The following CTNND2 variants were observed in gnomAD, a reference collection of about 807,000 sequenced individuals.
The protein encoded by CTNND2 is catenin delta 2.
Under a neutral mutation model 144.4 loss-of-function variants are expected in CTNND2, and 22 were observed. The observed-to-expected ratio is 0.15, with a 90% CI of 0.11 to 0.22. CTNND2 has a LOEUF of 0.22. CTNND2 is among the 10% of genes least tolerant of loss of function. The pLI is 1.00. For synonymous variants in CTNND2, 751 were observed against 695.6 expected (o/e 1.08, Z -1.25); for missense variants, 1,353 against 1,618.8 (o/e 0.84, Z 2.82).
At chr5:11,391,185 C>T (rs959360481) in intron 6 of CTNND2, among the ~76,000 whole-genome samples, 4 of 104,066 alleles carry the variant, frequency 3.8e-5, no homozygotes, top group East Asian at 4.7e-4. Context: ...TAATAAAAAA[C>T]AGGGCATGGC....
intron 3 of CTNND2, among the ~76,000 whole-genome samples, chr5:11,443,312 T>A (rs1329476799): frequency 9.4e-6 from 1 of 106,480 alleles, no homozygotes; most frequent in African/African-American, 3.9e-5. Context: ...ATGTGTGTGG[T>A]GTGTGTGCAT....
At chr5:11,421,651 C>T (rs73742836) in intron 3 of CTNND2, among the ~76,000 whole-genome samples, 5,219 of 152,224 alleles carry the variant, frequency 0.034, 318 homozygotes, top group African/African-American at 0.12. Context: ...CCAGGCATGG[C>T]GGTGTCTGCA....
At chr5:11,751,016 G>A (rs1025844824) in intron 1 of CTNND2, among the ~76,000 whole-genome samples, 6 of 151,752 alleles carry the variant, frequency 4.0e-5, no homozygotes, top group Admixed American at 2.6e-4. Flanking sequence ...TCACCTGTCC[G>A]GGGTAAAATT....
chr5:11,395,356 T>C (rs1273975140), intron 6 of CTNND2, among the ~76,000 whole-genome samples: 2 of 152,250 alleles, frequency 1.3e-5, no homozygotes, highest in East Asian at 3.8e-4. Flanking sequence ...TATTCCACAA[T>C]GGTTTCCCTT....
chr5:11,753,642 T>C (rs1293845814), intron 1 of CTNND2, among the ~76,000 whole-genome samples: 3 of 151,894 alleles, frequency 2.0e-5, no homozygotes, highest in Non-Finnish European at 2.9e-5. Flanking sequence ...CTTTTTTTGT[T>C]GTGTCTCTAC....
intron 14 of CTNND2, among the ~76,000 whole-genome samples, chr5:11,107,483 C>T (rs1467312928): frequency 6.6e-6 from 1 of 152,158 alleles, no homozygotes; most frequent in African/African-American, 2.4e-5. Context: ...GTGGCCAATA[C>T]CGATATCCTG....
intron 11 of CTNND2, among the ~76,000 whole-genome samples, chr5:11,182,734 T>C (rs1192000336): frequency 6.6e-6 from 1 of 152,212 alleles, no homozygotes; most frequent in Non-Finnish European, 1.5e-5. Context: ...GCTGTTGTCC[T>C]TGCAAATTTC....
intron 3 of CTNND2, among the ~76,000 whole-genome samples, chr5:11,514,031 G>C (rs1424005601): frequency 6.6e-6 from 1 of 151,994 alleles, no homozygotes; most frequent in Non-Finnish European, 1.5e-5. Context: ...TTTAAAAAAA[G>C]AATTAGCTAA....
chr5:11,262,518 T>G (rs558106653), intron 9 of CTNND2, among the ~76,000 whole-genome samples: 3 of 152,012 alleles, frequency 2.0e-5, no homozygotes, highest in Admixed American at 2.0e-4. Flanking sequence ...ATTCCAGCAC[T>G]TTGGGAGGCC....
At chr5:11,661,665 A>G (rs1168431598) in intron 2 of CTNND2, among the ~76,000 whole-genome samples, 3 of 152,198 alleles carry the variant, frequency 2.0e-5, no homozygotes, top group Non-Finnish European at 4.4e-5. Context: ...TTTTGTAACA[A>G]CTGCTTTATT....
At chr5:11,171,661 A>G (rs1560965514) in intron 11 of CTNND2, among the ~76,000 whole-genome samples, 1 of 152,160 alleles carries the variant, frequency 6.6e-6, no homozygotes, top group Non-Finnish European at 1.5e-5. Flanking sequence ...CCCAGGGAAA[A>G]ATAAAACACA....
chr5:11,018,329 A>G (rs1052060991), intron 17 of CTNND2, among the ~76,000 whole-genome samples: 1 of 152,098 alleles, frequency 6.6e-6, no homozygotes, highest in Non-Finnish European at 1.5e-5. Flanking sequence ...TCCCTCTTCC[A>G]TAAGACAAAA....
At chr5:11,649,340 CAG>C (rs1169606962) in intron 2 of CTNND2, among the ~76,000 whole-genome samples, 1 of 152,056 alleles carries the variant, frequency 6.6e-6, no homozygotes, top group African/African-American at 2.4e-5. Context: ...TTTTTTAAGA[CAG>C]AGTCTCGCTC....
chr5:11,720,151 C>T lies in CTNND2; in HGVS notation c.174+11985G>A, dbSNP rs149083719. On this transcript the variant is annotated intron_variant, in intron 2 of 21. Transcript: ENST00000304623. ...TCCCAAAGAGACAGCAGCAACTGGCCGTACTTGAGAGTACTTCCCTAAATT... is the reference window on the plus strand; with the variant it reads ...TCCCAAAGAGACAGCAGCAACTGGCTGTACTTGAGAGTACTTCCCTAAATT... Among the ~76,000 whole-genome samples the T allele has an allele frequency of 4.3e-3, 651 of 152,202 alleles. 9 individuals carry two copies. Among genetic ancestry groups the T allele is most frequent in the African/African-American group, 0.015 (628 of 41,530 alleles).
intron 15 of CTNND2, among the ~76,000 whole-genome samples, chr5:11,085,266 C>T (rs924500800): frequency 1.3e-5 from 2 of 152,140 alleles, no homozygotes; most frequent in African/African-American, 4.8e-5. Context: ...GATGTGTTTT[C>T]CCTAAGAAAG....
intron 1 of CTNND2, among the ~76,000 whole-genome samples, chr5:11,760,783 A>T (rs1245253361): frequency 1.1e-5 from 1 of 92,760 alleles, no homozygotes; most frequent in South Asian, 5.5e-4. Flanking sequence ...TAAAACGAAT[A>T]CAGCATTTAT....
chr5:11,509,312 T>A (rs1301374774), intron 3 of CTNND2, among the ~76,000 whole-genome samples: 1 of 152,094 alleles, frequency 6.6e-6, no homozygotes, highest in Admixed American at 6.5e-5. Flanking sequence ...AAGGTGCCTA[T>A]AAAACAGATA....
chr5:11,217,969 AC>A (rs1257632648), intron 10 of CTNND2, among the ~76,000 whole-genome samples: 1 of 151,840 alleles, frequency 6.6e-6, no homozygotes, highest in Non-Finnish European at 1.5e-5. Flanking sequence ...GTTTGGGACC[AC>A]CTTAAAAAAT....
At position 11,903,836 on chromosome 5, in the gene CTNND2, C is replaced by A; in HGVS notation, c.18G>T (p.Pro6=). 1 of 1,482,646 alleles carries A rather than the reference C, an allele frequency of 6.7e-7. No individual in the cohort carries two copies. The highest frequency in any genetic ancestry group is 8.9e-7 in the Non-Finnish European group (1 of 1,122,882). The allele number at this position is 1,482,646 out of a possible 1,614,324, so 91.8% of individuals were successfully genotyped here. A position where few individuals can be genotyped will look rare whatever the true frequency, so the allele number is the denominator to read the frequency against. Residue 6 remains proline, a synonymous_variant, in exon 1 of 22, where the codon CCG becomes CCT. Transcript: ENST00000304623. This position sits in a 1 kb window ranked among gnomAD's most constrained non-coding sequence, Gnocchi z 5.4. ...ACTCACCCAAAGGCGCGGCGCCCGG[C>A]GGCTTCCTCGCAAACATGCACCCTC... MFARK[P]PGAAPLGAMP...
Sources: gnomAD v4.1 joint callset for allele counts (sites outside exome capture counted in the v4.1 genomes callset) on GRCh38, gnomAD v4.1.1 for gene constraint, Gnocchi (gnomAD v3.1) non-coding constraint, MANE v1.5 for transcripts, NCBI Gene and HGNC (gene_info 2026-07-23, HGNC 2026-07-21) for gene names.